The following CPA6 variants were observed in gnomAD, a reference collection of about 807,000 sequenced individuals.
CPA6 encodes carboxypeptidase B.
A neutral mutation model predicts 63.3 loss-of-function variants in CPA6; 58 were observed. The observed-to-expected ratio is 0.92, with a 90% CI of 0.74 to 1.14. The LOEUF is 1.14. Ranked by LOEUF, CPA6 falls within the 50% of genes most tolerant of loss-of-function variation. The probability of loss-of-function intolerance (pLI) is 0.00; values close to 1 mark genes in which losing one functional copy is unlikely to be tolerated. For missense variants in CPA6, 565 were observed against 526.6 expected (o/e 1.07, Z -0.71); for synonymous variants, 185 against 179.0 (o/e 1.03, Z -0.27).
chr8:67,554,274 T>C (rs1006832634), intron 2 of CPA6, among the ~76,000 whole-genome samples: 2 of 152,146 alleles, frequency 1.3e-5, no homozygotes, highest in Non-Finnish European at 2.9e-5. Flanking sequence ...TAGGGAGGCC[T>C]CAGGGAGCTT....
chr8:67,712,750 C>T lies in CPA6; in HGVS notation c.116+33264G>A, dbSNP rs145979337. On this transcript the variant is annotated intron_variant, in intron 1 of 10. Coordinates refer to ENST00000297770, the MANE Select transcript of CPA6 (RefSeq NM_020361.5). ...ATGGAAAACTCCAGAAATAAACCATCCCTAAGTTTTAAATGTCATGCTGTT... is the reference window on the plus strand; with the variant it reads ...ATGGAAAACTCCAGAAATAAACCATTCCTAAGTTTTAAATGTCATGCTGTT... Among the ~76,000 whole-genome samples the T allele has an allele frequency of 2.0e-3, 298 of 152,184 alleles. 3 individuals are homozygous for T. The highest frequency in any genetic ancestry group is 0.011 in the South Asian group (55 of 4,808).
chr8:67,593,415 C>G (rs1056416270), intron 2 of CPA6, among the ~76,000 whole-genome samples: 27 of 152,064 alleles, frequency 1.8e-4, no homozygotes, highest in South Asian at 1.0e-3. Context: ...TTGGTGCAGA[C>G]CTGAGTTCAA....
chr8:67,447,576 C>T (rs1810459085), intron 8 of CPA6, among the ~76,000 whole-genome samples: 1 of 151,266 alleles, frequency 6.6e-6, no homozygotes, highest in South Asian at 2.1e-4. Flanking sequence ...GATAAATTCA[C>T]ATGATTCAAA....
rs558843027 is a variant in CPA6, at chr8:67,729,793, G to T, written c.116+16221C>A. Among the ~76,000 whole-genome samples, 1,414 of 152,298 alleles carry T rather than the reference G, an allele frequency of 9.3e-3. 24 individuals are homozygous for T. Among genetic ancestry groups the T allele is most frequent in the African/African-American group, 0.032 (1,312 of 41,556 alleles). Reference sequence around the variant, plus strand: ...ATAGTTTATAGGTATATAAAATATAGGAGATGTAAATCACCACTTGAACTG... The same window carrying T: ...ATAGTTTATAGGTATATAAAATATATGAGATGTAAATCACCACTTGAACTG... On this transcript the variant is annotated intron_variant, in intron 1 of 10. Coordinates refer to ENST00000297770, the MANE Select transcript of CPA6 (RefSeq NM_020361.5).
At chr8:67,653,434 G>T (rs942754244) in intron 1 of CPA6, among the ~76,000 whole-genome samples, 3 of 151,202 alleles carry the variant, frequency 2.0e-5, no homozygotes, top group African/African-American at 7.3e-5. Flanking sequence ...GTGGTTTGTA[G>T]TTCTCCTTGA....
chr8:67,469,870 C>T (rs1157886589), intron 8 of CPA6, among the ~76,000 whole-genome samples: 2 of 152,040 alleles, frequency 1.3e-5, no homozygotes, highest in Admixed American at 6.5e-5. Flanking sequence ...TTTTTTTCCC[C>T]TTCCCTTCAC....
At chr8:67,592,589 T>G (rs1265626504) in intron 2 of CPA6, among the ~76,000 whole-genome samples, 3 of 151,848 alleles carry the variant, frequency 2.0e-5, no homozygotes, top group Non-Finnish European at 4.4e-5. Context: ...TATTCAGAGA[T>G]TCAACTTCTT....
chr8:67,532,129 T>C (rs1395465901), intron 2 of CPA6, among the ~76,000 whole-genome samples: 1 of 151,948 alleles, frequency 6.6e-6, no homozygotes, highest in East Asian at 1.9e-4. Flanking sequence ...AATAAAGAAG[T>C]AGAAGGCAAG....
At chr8:67,637,826 G>A (rs1157896631) in intron 1 of CPA6, among the ~76,000 whole-genome samples, 1 of 151,458 alleles carries the variant, frequency 6.6e-6, no homozygotes, top group Non-Finnish European at 1.5e-5. Context: ...TGGGGGCTCA[G>A]TAGATTGATG....
chr8:67,583,218 G>A (rs1813823373), intron 2 of CPA6, among the ~76,000 whole-genome samples: 2 of 152,230 alleles, frequency 1.3e-5, no homozygotes. Context: ...AACTATGGGT[G>A]TTGGTTAGTG....
intron 2 of CPA6, among the ~76,000 whole-genome samples, chr8:67,542,903 C>T (rs951158522): frequency 6.6e-6 from 1 of 152,306 alleles, no homozygotes. Flanking sequence ...AGCTCAGTGA[C>T]CTCAGCCCTC....
chr8:67,498,273 C>T (rs1372578149), intron 6 of CPA6, among the ~76,000 whole-genome samples: 2 of 152,054 alleles, frequency 1.3e-5, no homozygotes, highest in Non-Finnish European at 2.9e-5. Flanking sequence ...TGGTGGCTCA[C>T]ATCTGTAATC....
chr8:67,516,097 A>C (rs1367209785), intron 3 of CPA6, among the ~76,000 whole-genome samples: 2 of 152,128 alleles, frequency 1.3e-5, no homozygotes, highest in Non-Finnish European at 2.9e-5. Flanking sequence ...TATCCAACAG[A>C]AACTCAGCTC....
At chr8:67,538,083 C>CATTTTGCATTTGCATTTTGCATT (rs1563991011) in intron 2 of CPA6, among the ~76,000 whole-genome samples, 2 of 152,112 alleles carry the variant, frequency 1.3e-5, no homozygotes, top group Non-Finnish European at 2.9e-5. Flanking sequence ...TTTGCATTTG[C>CATTTTGCATTTGCATTTTGCATT]TGAGGAATGT....
intron 8 of CPA6, among the ~76,000 whole-genome samples, chr8:67,475,881 CCTTT>C (rs763576613): frequency 0.051 from 2,190 of 42,854 alleles, 138 homozygotes; most frequent in Non-Finnish European, 0.058. Context: ...CTTTCTTTCT[CCTTT>C]CTTTCTTTCT....
At chr8:67,453,589 T>A (rs1203560056) in intron 8 of CPA6, among the ~76,000 whole-genome samples, 1 of 152,010 alleles carries the variant, frequency 6.6e-6, no homozygotes, top group Non-Finnish European at 1.5e-5. Context: ...TCTAAGGGAA[T>A]GAATGTAGAT....
chr8:67,715,940 G>C (rs1452322430), intron 1 of CPA6, among the ~76,000 whole-genome samples: 1 of 152,064 alleles, frequency 6.6e-6, no homozygotes, highest in Non-Finnish European at 1.5e-5. Context: ...GATCACCTAA[G>C]GTCAGGAGTT....
At chr8:67,578,874 TTTGA>T (rs1813694439) in intron 2 of CPA6, among the ~76,000 whole-genome samples, 2 of 152,356 alleles carry the variant, frequency 1.3e-5, no homozygotes, top group African/African-American at 2.4e-5. Flanking sequence ...TTGATTACTG[TTTGA>T]TTAATTTAAG....
intron 1 of CPA6, among the ~76,000 whole-genome samples, chr8:67,633,322 C>A (rs1034478857): frequency 1.9e-4 from 29 of 151,986 alleles, no homozygotes; most frequent in Non-Finnish European, 3.8e-4. Context: ...TGAATTTATT[C>A]TTATAATTTT....
Sources: gnomAD v4.1 joint callset for allele counts (sites outside exome capture counted in the v4.1 genomes callset) on GRCh38, gnomAD v4.1.1 for gene constraint, MANE v1.5 for transcripts, NCBI Gene and HGNC (gene_info 2026-07-23, HGNC 2026-07-21) for gene names.